The following RIC8B variants were observed in gnomAD, a reference collection of about 807,000 sequenced individuals.
The protein encoded by RIC8B is chaperone Ric-8B.
RIC8B carries 16 observed loss-of-function variants against 57.5 expected under a neutral mutation model. That is an observed-to-expected ratio of 0.28 (90% CI 0.19 to 0.42). The LOEUF (loss-of-function observed/expected upper bound fraction) is 0.42, where lower values mean the gene tolerates loss of function less well. RIC8B is among the 10% of genes least tolerant of loss of function. The pLI, the probability that RIC8B is intolerant of heterozygous loss-of-function variation, is 1.00. For missense variants in RIC8B, 481 were observed against 677.0 expected (o/e 0.71, Z 3.21); for synonymous variants, 216 against 250.8 (o/e 0.86, Z 1.31).
chr12:106,881,840 T>G (rs1320741894), intron 9 of RIC8B, among the ~76,000 whole-genome samples: 1 of 152,144 alleles, frequency 6.6e-6, no homozygotes, highest in Non-Finnish European at 1.5e-5. Flanking sequence ...GAAATAAGCC[T>G]GGGGTCAATT....
intron 8 of RIC8B, among the ~76,000 whole-genome samples, chr12:106,865,286 T>G (rs1950095780): frequency 6.6e-6 from 1 of 152,170 alleles, no homozygotes; most frequent in Non-Finnish European, 1.5e-5. Context: ...TGGGGTTGCT[T>G]GTCTTTGGGA....
At chr12:106,876,318 AATG>A (rs1311560414) in intron 9 of RIC8B, among the ~76,000 whole-genome samples, 2 of 152,160 alleles carry the variant, frequency 1.3e-5, no homozygotes, top group South Asian at 2.1e-4. Flanking sequence ...TACATATGGA[AATG>A]ATAATATTTT....
At chr12:106,876,776 A>G (rs962725483) in intron 9 of RIC8B, among the ~76,000 whole-genome samples, 1 of 152,090 alleles carries the variant, frequency 6.6e-6, no homozygotes, top group South Asian at 2.1e-4. Context: ...AATCATCTCC[A>G]CTGGCTGTTT....
chr12:106,845,133 C>T (rs567230432), intron 6 of RIC8B, among the ~76,000 whole-genome samples: 2 of 152,262 alleles, frequency 1.3e-5, no homozygotes, highest in South Asian at 2.1e-4. Context: ...GCACCTTGTG[C>T]GCTCCCTCAG....
chr12:106,843,978 G>A, intron 6 of RIC8B, 31 bp downstream of exon 6: 1 of 1,427,166 alleles, frequency 7.0e-7, no homozygotes, highest in South Asian at 1.2e-5. Flanking sequence ...ACATTGCAAA[G>A]TTAGTCTTTT....
At chr12:106,868,173 C>T in intron 8 of RIC8B, 1 of 384,506 alleles carries the variant, frequency 2.6e-6, no homozygotes, top group South Asian at 2.0e-5. Context: ...TGCTGTGGTG[C>T]CCACAATAAG....
intron 2 of RIC8B, among the ~76,000 whole-genome samples, chr12:106,796,102 A>C (rs1307642729): frequency 6.6e-6 from 1 of 152,218 alleles, no homozygotes; most frequent in Non-Finnish European, 1.5e-5. Context: ...GATTCAACGC[A>C]ATACCTTTTA....
At chr12:106,820,611 A>G (rs1015118413) in intron 3 of RIC8B, among the ~76,000 whole-genome samples, 6 of 152,184 alleles carry the variant, frequency 3.9e-5, no homozygotes, top group African/African-American at 1.2e-4. Flanking sequence ...GTGAAACGTA[A>G]TAAGAAAGTA....
At chr12:106,853,328 ATGGT>A (rs1033874822) in intron 7 of RIC8B, among the ~76,000 whole-genome samples, 1 of 151,716 alleles carries the variant, frequency 6.6e-6, no homozygotes, top group Admixed American at 6.6e-5. Flanking sequence ...TAAATTTAAA[ATGGT>A]TGGTTTTGCT....
chr12:106,796,471 GC>G (rs2044488550), intron 2 of RIC8B, among the ~76,000 whole-genome samples: 1 of 152,134 alleles, frequency 6.6e-6, no homozygotes, highest in African/African-American at 2.4e-5. Context: ...AACAAATGGT[GC>G]TGTGACACTT....
At chr12:106,860,052 T>TTAGTTTCTGGTACCTCAAAA (rs1798937895) in intron 7 of RIC8B, among the ~76,000 whole-genome samples, 1 of 152,130 alleles carries the variant, frequency 6.6e-6, no homozygotes, top group Non-Finnish European at 1.5e-5. Context: ...CAGCTCTGCT[T>TTAGTTTCTGGTACCTCAAAA]TAGTTTCTGG....
intron 1 of RIC8B, among the ~76,000 whole-genome samples, chr12:106,779,724 T>G (rs1171883821): frequency 2.6e-5 from 4 of 151,120 alleles, no homozygotes; most frequent in African/African-American, 9.7e-5. Context: ...CATTGTTGGT[T>G]GAATCCACAG....
chr12:106,866,924 C>T (rs182547496), intron 8 of RIC8B, among the ~76,000 whole-genome samples: 10 of 152,272 alleles, frequency 6.6e-5, no homozygotes, highest in Non-Finnish European at 8.8e-5. Context: ...TTCCTTCCTA[C>T]GAGGTATAAG....
chr12:106,775,805 C>T (rs1297539891), intron 1 of RIC8B, among the ~76,000 whole-genome samples: 1 of 152,178 alleles, frequency 6.6e-6, no homozygotes, highest in East Asian at 1.9e-4. Flanking sequence ...GAATGACTGG[C>T]GACTCCCTTC....
intron 3 of RIC8B, chr12:106,822,479 C>T (rs2045901097): frequency 1.3e-5 from 2 of 152,126 alleles, no homozygotes. Context: ...CAAGATAGCC[C>T]CAAGCTGGAA....
chr12:106,873,078 G>A (rs1032292277), intron 9 of RIC8B: 28 of 985,166 alleles, frequency 2.8e-5, no homozygotes, highest in Admixed American at 1.2e-4. Context: ...ATATACAAAC[G>A]TCAAGTCTGA....
chr12:106,858,828 G>A (rs570969290), intron 7 of RIC8B, among the ~76,000 whole-genome samples: 11 of 151,938 alleles, frequency 7.2e-5, no homozygotes, highest in Non-Finnish European at 1.0e-4. Context: ...ACTTATTTTC[G>A]GTGTCGTGAG....
chr12:106,876,415 TTGGCTTACATTG>T (rs1950668119), intron 9 of RIC8B, among the ~76,000 whole-genome samples: 1 of 152,166 alleles, frequency 6.6e-6, no homozygotes, highest in Non-Finnish European at 1.5e-5. Flanking sequence ...GTACATACAC[TTGGCTTACATTG>T]TGGCTTACAT....
At chr12:106,864,387 A>G (rs1286464109) in intron 8 of RIC8B, among the ~76,000 whole-genome samples, 1 of 152,130 alleles carries the variant, frequency 6.6e-6, no homozygotes, top group Admixed American at 6.6e-5. Context: ...CCCTAACGCT[A>G]GTAATAATAG....
Sources: allele counts gnomAD v4.1 joint callset (sites outside exome capture counted in the v4.1 genomes callset), GRCh38; gene constraint gnomAD v4.1.1; transcripts MANE v1.5; gene names NCBI Gene and HGNC (gene_info 2026-07-23, HGNC 2026-07-21).